The following LDLRAD3 variants were observed in gnomAD, a reference collection of about 807,000 sequenced individuals.
LDLRAD3 encodes low-density lipoprotein receptor class A domain-containing protein 3.
In LDLRAD3, 20 loss-of-function variants were observed where a neutral mutation model predicts 29.4. The ratio of observed to expected loss-of-function variants is 0.68; its 90% CI spans 0.48 to 0.99. The LOEUF is 0.99. LDLRAD3 is among the 50% of genes least tolerant of loss of function. LDLRAD3 has a pLI of 0.00. For synonymous variants in LDLRAD3, 157 were observed against 192.7 expected (o/e 0.81, Z 1.53); for missense variants, 420 against 454.3 (o/e 0.92, Z 0.69).
At chr11:36,226,976 T>C in intron 4 of LDLRAD3, 109 bp from the exon 5 acceptor site, 1 of 868,612 alleles carries the variant, frequency 1.2e-6, no homozygotes, top group African/African-American at 1.7e-5. Flanking sequence ...CTATTGTGAA[T>C]AGGGCTACTG....
chr11:36,045,094 C>T (rs1307398403), intron 2 of LDLRAD3, among the ~76,000 whole-genome samples: 1 of 152,196 alleles, frequency 6.6e-6, no homozygotes, highest in Non-Finnish European at 1.5e-5. Context: ...TCCAGATGTG[C>T]TCTTTGTGCC....
At chr11:36,226,736 C>A (rs1360186328) in intron 4 of LDLRAD3, among the ~76,000 whole-genome samples, 2 of 152,198 alleles carry the variant, frequency 1.3e-5, no homozygotes, top group Admixed American at 1.3e-4. Context: ...CTTTCTGTCT[C>A]TGTAAAATTG....
At chr11:35,952,492 G>GT (rs1851149006) in intron 1 of LDLRAD3, among the ~76,000 whole-genome samples, 1 of 152,180 alleles carries the variant, frequency 6.6e-6, no homozygotes, top group East Asian at 1.9e-4. Flanking sequence ...TGTGGAGAAC[G>GT]TATCAGTATA....
intron 1 of LDLRAD3, among the ~76,000 whole-genome samples, chr11:35,959,604 A>G (rs1458516717): frequency 6.6e-6 from 1 of 152,174 alleles, no homozygotes; most frequent in Non-Finnish European, 1.5e-5. Flanking sequence ...AATATATGTC[A>G]TTATAATTCA....
At chr11:35,987,354 A>G (rs1040087909) in intron 1 of LDLRAD3, among the ~76,000 whole-genome samples, 2 of 152,162 alleles carry the variant, frequency 1.3e-5, no homozygotes, top group African/African-American at 4.8e-5. Flanking sequence ...TGATCCCATC[A>G]CCCAGGTAGT....
intron 1 of LDLRAD3, among the ~76,000 whole-genome samples, chr11:35,950,943 A>T (rs183891149): frequency 1.6e-4 from 24 of 152,104 alleles, no homozygotes; most frequent in African/African-American, 4.6e-4. Context: ...GTTAGCCGGG[A>T]GTGGTGGCAC....
chr11:36,016,608 A>G (rs545597875), intron 1 of LDLRAD3, among the ~76,000 whole-genome samples: 3 of 152,294 alleles, frequency 2.0e-5, no homozygotes, highest in East Asian at 1.9e-4. Context: ...CTATGGTGAC[A>G]CTTTAAGCAA....
rs372670533 is a variant in LDLRAD3, at chr11:36,104,314, C to T, written c.454+5853C>T. 1.4e-4 allele frequency among the ~76,000 whole-genome samples: 21 copies of T among 152,306 alleles called. No individual in the cohort carries two copies. The East Asian group carries it at 1.7e-3, about 13-fold the overall frequency. The stretch of plus-strand genomic sequence containing the variant: ...ACATCTGCAGCCCCGGCTGACACGC[C>T]GACTGTAGCCTTGTAAGACTCCCTG... On this transcript the variant is annotated intron_variant, in intron 4 of 5. Transcript: ENST00000315571.
intron 1 of LDLRAD3, among the ~76,000 whole-genome samples, chr11:35,955,943 G>A (rs1043879158): frequency 1.2e-4 from 19 of 152,226 alleles, no homozygotes; most frequent in African/African-American, 4.6e-4. Context: ...CTGCTCCCTG[G>A]ATCTACAGAA....
chr11:36,053,739 A>T (rs960458859), intron 2 of LDLRAD3, among the ~76,000 whole-genome samples: 2 of 152,144 alleles, frequency 1.3e-5, no homozygotes, highest in Non-Finnish European at 2.9e-5. Flanking sequence ...TGCCATTAAG[A>T]TCTCTCTTCA....
intron 2 of LDLRAD3, among the ~76,000 whole-genome samples, chr11:36,037,071 G>T (rs543505705): frequency 1.3e-5 from 2 of 152,284 alleles, no homozygotes; most frequent in South Asian, 4.1e-4. Flanking sequence ...ATGGTGCCCT[G>T]TGTGGTTGTC....
At chr11:36,054,236 T>A (rs911038435) in intron 2 of LDLRAD3, among the ~76,000 whole-genome samples, 1 of 152,170 alleles carries the variant, frequency 6.6e-6, no homozygotes, top group Non-Finnish European at 1.5e-5. Flanking sequence ...CTGCCAGGAT[T>A]TTTCTCCCAC....
chr11:35,999,537 T>C (rs1468333599), intron 1 of LDLRAD3, among the ~76,000 whole-genome samples: 4 of 152,194 alleles, frequency 2.6e-5, no homozygotes, highest in Non-Finnish European at 5.9e-5. Context: ...GGCTTCTCAT[T>C]GGAGGCGGCT....
chr11:36,035,053 C>T (rs1004624571), intron 1 of LDLRAD3, among the ~76,000 whole-genome samples: 1 of 152,144 alleles, frequency 6.6e-6, no homozygotes, highest in African/African-American at 2.4e-5. Flanking sequence ...GTATAATAAG[C>T]CCTAGCCTTT....
At chr11:36,172,454 T>C (rs1854611245) in intron 4 of LDLRAD3, among the ~76,000 whole-genome samples, 1 of 152,160 alleles carries the variant, frequency 6.6e-6, no homozygotes, top group Non-Finnish European at 1.5e-5. Flanking sequence ...TAATGTTGGC[T>C]GTGGGTTTGT....
At chr11:36,130,812 C>T (rs1413712407) in intron 4 of LDLRAD3, among the ~76,000 whole-genome samples, 2 of 152,174 alleles carry the variant, frequency 1.3e-5, no homozygotes, top group African/African-American at 4.8e-5. Context: ...GAGAGTTGCC[C>T]AGGTTCACTC....
chr11:36,161,084 C>T (rs1201800140), intron 4 of LDLRAD3, among the ~76,000 whole-genome samples: 3 of 152,178 alleles, frequency 2.0e-5, no homozygotes, highest in East Asian at 1.9e-4. Context: ...CGTGAGCCAC[C>T]GCGCCTGGCC....
intron 1 of LDLRAD3, among the ~76,000 whole-genome samples, chr11:35,946,775 C>A (rs1315305408): frequency 1.3e-5 from 2 of 152,130 alleles, no homozygotes. Context: ...TGAGTATTGA[C>A]CTTTTCTCCT....
At position 36,018,506 on chromosome 11, in the gene LDLRAD3, G is replaced by A. The variant is rs117780773; in HGVS notation, c.47-17597G>A. On this transcript the variant is annotated intron_variant, in intron 1 of 5. Coordinates refer to ENST00000315571, the MANE Select transcript of LDLRAD3 (RefSeq NM_174902.4). ...CCTATCTCCTCTTATAGACACTTGA[G>A]TTCTTTAAAGTTTTGGACTTTTACA... Among the ~76,000 whole-genome samples, 1,267 of 152,192 alleles carry A rather than the reference G, an allele frequency of 8.3e-3. 8 individuals are homozygous for A. The highest frequency in any genetic ancestry group is 0.015 in the Non-Finnish European group (1,041 of 68,010).
Sources: allele counts gnomAD v4.1 joint callset (sites outside exome capture counted in the v4.1 genomes callset), GRCh38; gene constraint gnomAD v4.1.1; transcripts MANE v1.5; gene names NCBI Gene and HGNC (gene_info 2026-07-23, HGNC 2026-07-21).